Variants in SCMH1 observed in about 807,000 individuals in gnomAD.
The protein encoded by SCMH1 is Scm polycomb group protein homolog 1.
In SCMH1, 37 loss-of-function variants were observed where a neutral mutation model predicts 70.8. The ratio of observed to expected loss-of-function variants is 0.52; its 90% CI spans 0.40 to 0.69. The LOEUF (loss-of-function observed/expected upper bound fraction) is 0.69. Among genes scored for constraint, SCMH1 ranks in the 30% least tolerant of loss-of-function variants. SCMH1 has a pLI of 0.00. For missense variants in SCMH1, 607 were observed against 827.3 expected (o/e 0.73, Z 3.27); for synonymous variants, 292 against 307.4 (o/e 0.95, Z 0.52).
rs983243278 is a variant in SCMH1 at position 41,225,648 on chromosome 1, C to T, written c.-118+16411G>A. 2.0e-5 allele frequency among the ~76,000 whole-genome samples: 3 copies of T among 152,156 alleles called. No individual in the cohort carries two copies. In the East Asian group the frequency reaches 5.8e-4, roughly 29 times the overall value. ...CTTTTCAATCAGAACTTGGAGAATG[C>T]ATCGTATCCCAGAGAGGAAAGTTTA... On this transcript the variant is annotated intron_variant, in intron 1 of 14. Transcript: ENST00000337495.
chr1:41,160,781 G>T lies in SCMH1; in HGVS notation c.106+94C>A, dbSNP rs963387230. On this transcript the variant is annotated intron_variant, in intron 4 of 14. Coordinates refer to ENST00000337495, the Ensembl canonical transcript of SCMH1. The stretch of plus-strand genomic sequence containing the variant: ...CTGGTTTCTGAGACAGAGACACGTG[G>T]AATTCTTTTCCTCGTTGGTTAAAAC... 4.3e-6 allele frequency: 5 copies of T among 1,166,306 alleles called. No individual in the cohort carries two copies. In the African/African-American group the frequency reaches 6.1e-5, roughly 14 times the overall value. The allele number at this position is 1,166,306 out of a possible 1,614,324, so 72.2% of individuals were successfully genotyped here. A position where few individuals can be genotyped will look rare whatever the true frequency, so the allele number is the denominator to read the frequency against.
intron 8 of SCMH1, among the ~76,000 whole-genome samples, chr1:41,105,877 G>GTTT (rs200132114): frequency 7.0e-6 from 1 of 142,740 alleles, no homozygotes; most frequent in Non-Finnish European, 1.5e-5. Context: ...CCATTTGATA[G>GTTT]TTTTTTTTTT....
chr1:41,089,583 G>C (rs1265878653), intron 8 of SCMH1, among the ~76,000 whole-genome samples: 1 of 152,050 alleles, frequency 6.6e-6, no homozygotes, highest in Non-Finnish European at 1.5e-5. Flanking sequence ...TTTGAACACA[G>C]CTACCAGAGT....
exon 12 of SCMH1, chr1:41,046,481 T>C (rs746718607): frequency 3.1e-6 from 5 of 1,614,202 alleles, no homozygotes; most frequent in East Asian, 2.2e-5. Context: ...AAAGGGCTGG[T>C]TGCCAAACAG....
At chr1:41,201,160 C>A (rs1013124930) in intron 1 of SCMH1, among the ~76,000 whole-genome samples, 4 of 152,190 alleles carry the variant, frequency 2.6e-5, no homozygotes, top group Admixed American at 2.0e-4. Flanking sequence ...AGAACAGCAT[C>A]CATAAACCAT....
intron 6 of SCMH1, among the ~76,000 whole-genome samples, chr1:41,128,479 G>T (rs1422904013): frequency 2.0e-5 from 3 of 152,124 alleles, no homozygotes; most frequent in Admixed American, 6.6e-5. Flanking sequence ...TAAAAATGCT[G>T]CTCCACTGTA....
rs35712777 is a variant in SCMH1 at position 41,086,904 on chromosome 1, A to AC, written c.746-11454dup. On this transcript the variant is annotated intron_variant, in intron 8 of 14. Coordinates refer to ENST00000337495, the Ensembl canonical transcript of SCMH1. The stretch of plus-strand genomic sequence containing the variant: ...AAACAAAACCAAAAAAAAAAAAAAA[A>AC]CCCCAAACACACAAAGCAGAAACCA... 4.0e-5 allele frequency among the ~76,000 whole-genome samples: 6 copies of AC among 150,442 alleles called. No individual in the cohort carries two copies. In the East Asian group the frequency reaches 1.2e-3, roughly 29 times the overall value.
At chr1:41,221,893 CAAAAAAAAAAAA>C (rs34257855) in intron 1 of SCMH1, among the ~76,000 whole-genome samples, 4 of 45,058 alleles carry the variant, frequency 8.9e-5, no homozygotes, top group Admixed American at 8.7e-4. Context: ...GACTCCGTCT[CAAAAAAAAAAAA>C]AAAAAAAAAA....
intron 9 of SCMH1, among the ~76,000 whole-genome samples, chr1:41,074,956 G>A (rs1200339015): frequency 2.6e-5 from 4 of 152,152 alleles, no homozygotes; most frequent in African/African-American, 7.2e-5. Context: ...TCCACCTCCC[G>A]GGTTCACGTC....
At chr1:41,172,403 A>G (rs1646849171) in intron 2 of SCMH1, among the ~76,000 whole-genome samples, 1 of 152,128 alleles carries the variant, frequency 6.6e-6, no homozygotes, top group Admixed American at 6.5e-5. Context: ...CTACAAGGGA[A>G]ATTACAGAAC....
chr1:41,121,060 C>T (rs1367935208), intron 6 of SCMH1, among the ~76,000 whole-genome samples: 1 of 152,144 alleles, frequency 6.6e-6, no homozygotes, highest in Non-Finnish European at 1.5e-5. Flanking sequence ...TTGCCACTTA[C>T]CAGGTACATA....
At position 41,195,827 on chromosome 1, in the gene SCMH1, A is replaced by C. The variant is rs180673695; in HGVS notation, c.-117-9577T>G. 3.6e-4 allele frequency among the ~76,000 whole-genome samples: 55 copies of C among 152,332 alleles called. No homozygotes were observed. The Middle Eastern group carries it at 0.01, about 28-fold the overall frequency. On this transcript the variant is annotated intron_variant, in intron 1 of 14. Transcript: ENST00000337495. ...ATATGTAGGAAATTCTACAGATCCC[A>C]CAAAAAAGCTATTAGAGCTAATAAA...
At chr1:41,207,028 T>C (rs891657387) in intron 1 of SCMH1, among the ~76,000 whole-genome samples, 4 of 152,062 alleles carry the variant, frequency 2.6e-5, no homozygotes, top group East Asian at 3.9e-4. Flanking sequence ...CTTACAAGAG[T>C]TCCTGAAGAA....
intron 1 of SCMH1, among the ~76,000 whole-genome samples, chr1:41,209,359 C>A (rs533651687): frequency 6.6e-6 from 1 of 152,288 alleles, no homozygotes; most frequent in African/African-American, 2.4e-5. Flanking sequence ...CTCTCTAACT[C>A]ATTTTATGAG....
intron 8 of SCMH1, among the ~76,000 whole-genome samples, chr1:41,091,563 G>C (rs983833768): frequency 2.0e-5 from 3 of 152,078 alleles, no homozygotes; most frequent in Non-Finnish European, 2.9e-5. Context: ...AGAAATAAAG[G>C]GTATTCAATT....
intron 1 of SCMH1, among the ~76,000 whole-genome samples, chr1:41,194,630 T>C (rs530665935): frequency 3.6e-4 from 55 of 152,338 alleles, no homozygotes; most frequent in African/African-American, 1.3e-3. Flanking sequence ...GATAGAGCTA[T>C]AGGTCATTAC....
chr1:41,124,336 C>T (rs1029062513), intron 6 of SCMH1, among the ~76,000 whole-genome samples: 1 of 152,174 alleles, frequency 6.6e-6, no homozygotes, highest in East Asian at 1.9e-4. Context: ...TAAAAATATT[C>T]TCATTTGTCC....
chr1:41,223,361 A>T (rs925898649), intron 1 of SCMH1, among the ~76,000 whole-genome samples: 1 of 152,180 alleles, frequency 6.6e-6, no homozygotes, highest in African/African-American at 2.4e-5. Context: ...TTTTGTCACC[A>T]TTTGTGAATT....
chr1:41,058,866 T>C (rs4660184), intron 10 of SCMH1, among the ~76,000 whole-genome samples: 93,515 of 152,076 alleles, frequency 0.61, 29,788 homozygotes, highest in African/African-American at 0.78. Context: ...GAGGAATGAC[T>C]AGTCCCCTTT....
Sources: gnomAD v4.1 joint callset for allele counts (sites outside exome capture counted in the v4.1 genomes callset) on GRCh38, gnomAD v4.1.1 for gene constraint, MANE v1.5 for transcripts, NCBI Gene and HGNC (gene_info 2026-07-23, HGNC 2026-07-21) for gene names.